MAP7D2: variants seen among roughly 807,000 people sequenced by gnomAD.
MAP7D2 encodes the protein MAP7 domain containing 2.
Under a neutral mutation model 63.5 loss-of-function variants are expected in MAP7D2, and 33 were observed. The ratio of observed to expected loss-of-function variants is 0.52; its 90% confidence interval spans 0.39 to 0.70. The LOEUF (loss-of-function observed/expected upper bound fraction) is 0.70, where lower values mean the gene tolerates loss of function less well. MAP7D2 is among the 30% of genes least tolerant of loss of function. The pLI is 0.00. For synonymous variants in MAP7D2, 224 were observed against 223.7 expected (o/e 1.00, Z -0.01); for missense variants, 626 against 604.0 (o/e 1.04, Z -0.38).
rs367781310 is a variant in MAP7D2 at position 20,046,679 on chromosome X, T to C, written c.719-2155A>G. Among the ~76,000 whole-genome samples the C allele has an allele frequency of 8.1e-4, 91 of 112,803 alleles. 1 individual carries two copies. The highest frequency in any genetic ancestry group is 2.9e-3 in the African/African-American group (89 of 31,094). On this transcript the variant is annotated intron_variant, in intron 6 of 16. Transcript: ENST00000379643. ...AAAGGGCTCAGAGGTGATACAAACC[T>C]ACTTTAAAATGTTTCGAAAACTTAG... is the stretch of plus-strand genomic sequence containing the variant.
intron 10 of MAP7D2, among the ~76,000 whole-genome samples, chrX:20,018,844 G>A (rs1473150432): frequency 9.0e-6 from 1 of 111,151 alleles, no homozygotes; most frequent in African/African-American, 3.3e-5. Flanking sequence ...TCCCCTGTGT[G>A]AAACCAGGTC....
At chrX:20,044,097 T>C (rs1163163897) in intron 7 of MAP7D2, among the ~76,000 whole-genome samples, 2 of 112,301 alleles carry the variant, frequency 1.8e-5, no homozygotes, top group Non-Finnish European at 1.9e-5. Context: ...TTTAGAACAT[T>C]CCTTCTGACT....
chrX:20,071,581 C>T (rs1382868374), intron 1 of MAP7D2, among the ~76,000 whole-genome samples: 1 of 111,867 alleles, frequency 8.9e-6, no homozygotes, highest in Non-Finnish European at 1.9e-5. Flanking sequence ...TGGTCCAGGG[C>T]CCACACCTTG....
At chrX:20,109,771 C>T (rs983118916) in intron 1 of MAP7D2, among the ~76,000 whole-genome samples, 5 of 111,609 alleles carry the variant, frequency 4.5e-5, no homozygotes, top group East Asian at 2.8e-4. Flanking sequence ...TAAGGCTGGG[C>T]GTGGTGGCTC....
chrX:20,062,505 A>G (rs1232217629), intron 3 of MAP7D2, among the ~76,000 whole-genome samples: 1 of 111,346 alleles, frequency 9.0e-6, no homozygotes, highest in Admixed American at 9.5e-5. Context: ...GGAAGGGGTA[A>G]ATATATATAG....
At chrX:20,061,194 G>A (rs1489386681) in intron 3 of MAP7D2, among the ~76,000 whole-genome samples, 1 of 107,465 alleles carries the variant, frequency 9.3e-6, no homozygotes, top group African/African-American at 3.4e-5. Flanking sequence ...GCCAGGCACT[G>A]AGCAGGCTGC....
chrX:20,041,987 T>C (rs755876655), intron 8 of MAP7D2, among the ~76,000 whole-genome samples: 13 of 111,251 alleles, frequency 1.2e-4, no homozygotes, highest in Non-Finnish European at 2.4e-4. Flanking sequence ...GCTGTGATTA[T>C]GCCTGTGAAC....
Position 20,008,399 on chromosome X carries a change from C to T in MAP7D2, c.*27-1G>A, listed in dbSNP as rs1454911589. ...GCAGCTTTACGGGTTCTCCAAACAC[C>T]TGTGTCAATTCAGAAACAAAACCAG... On this transcript the variant is annotated splice_acceptor_variant, in intron 16 of 16. Transcript: ENST00000379643. LOFTEE classifies it low-confidence loss of function (3UTR_SPLICE). The T allele has an allele frequency of 8.9e-6, 1 of 112,003 alleles. No homozygotes were observed. The highest frequency in any genetic ancestry group is 3.2e-5 in the African/African-American group (1 of 30,845). The allele number at this position is 112,003 out of a possible 1,213,427, so 9.2% of individuals were successfully genotyped here. A position where few individuals can be genotyped will look rare whatever the true frequency, so the allele number is the denominator to read the frequency against.
In MAP7D2 at chrX:20,016,254, T is replaced by C. The variant is rs1318988564; in HGVS notation, c.1484A>G (p.Gln495Arg). The change falls in exon 11 of 17, where the codon CAG becomes CGG. Residue 495 changes from glutamine (Q) to arginine (R), a missense_variant. Physicochemically the swap from Gln to Arg is conservative, Grantham distance 43 (BLOSUM62 1). Transcript: ENST00000379643. ...TTCCTGCCGCTTCCTTTCTTCTTCC[T>C]GCTTTCGGGCTTCCTCTTCTAGGCG... ...RLRLEEEARK[Q>R]EEERKRQEEE... 5 of 1,209,151 alleles carry C rather than the reference T, an allele frequency of 4.1e-6. No individual in the cohort carries two copies. The highest frequency in any genetic ancestry group is 5.6e-6 in the Non-Finnish European group (5 of 894,821).
At chrX:20,089,079 C>T (rs2065998094) in intron 1 of MAP7D2, among the ~76,000 whole-genome samples, 1 of 111,739 alleles carries the variant, frequency 8.9e-6, no homozygotes, top group African/African-American at 3.3e-5. Flanking sequence ...CCGTGCTCGG[C>T]CTCTCCTGTA....
At chrX:20,084,534 CTTCCTTCCTGT>C (rs202064201) in intron 1 of MAP7D2, among the ~76,000 whole-genome samples, 1 of 82,755 alleles carries the variant, frequency 1.2e-5, no homozygotes, top group Admixed American at 1.5e-4. Context: ...CCCTCCCTCC[CTTCCTTCCTGT>C]TCCCTCCCTC....
intron 1 of MAP7D2, among the ~76,000 whole-genome samples, chrX:20,111,933 G>A (rs2066754282): frequency 9.0e-6 from 1 of 111,208 alleles, no homozygotes; most frequent in African/African-American, 3.3e-5. Flanking sequence ...ATCACGCCCA[G>A]CTAATTTTTC....
chrX:20,007,191 C>T lies in MAP7D2; in HGVS notation c.*1234G>A, dbSNP rs1419773601. The T allele has an allele frequency of 1.8e-5, 2 of 112,170 alleles. No individual in the cohort carries two copies. The highest frequency in any genetic ancestry group is 9.5e-5 in the Admixed American group (1 of 10,549). 9.2% of individuals were successfully genotyped at this position (112,170 alleles called of 1,213,427 possible). A position where few individuals can be genotyped will look rare whatever the true frequency, so the allele number is the denominator to read the frequency against. ...CTAATACATTCTTAAATGTAGCTGG[C>T]TGTAAAAGCACATGAACAAGATTAC... On this transcript the variant is annotated 3_prime_UTR_variant, in exon 17 of 17. Transcript: ENST00000379643.
intron 1 of MAP7D2, among the ~76,000 whole-genome samples, chrX:20,114,517 A>G (rs1174528332): frequency 2.7e-5 from 3 of 112,845 alleles, no homozygotes; most frequent in African/African-American, 9.7e-5. Context: ...ACTAAAATGG[A>G]CAGTAGATCT....
rs143010630 is a variant in MAP7D2, at chrX:20,011,024, T to G, written c.2101A>C (p.Ile701Leu). Reference protein sequence around the residue: ...SPVSKEELISIPEFSPVSEMI... With the variant: ...SPVSKEELISLPEFSPVSEMI... ...TCACTCACTGGTGAAAATTCCGGGA[T>G]AGAGATAAGCTCTTCTTTTGAAACA... The change falls in exon 16 of 17, where the codon ATC becomes CTC. Residue 701 changes from isoleucine (I) to leucine (L), a missense_variant. Physicochemically the swap from Ile to Leu is conservative, Grantham distance 5 (BLOSUM62 2). Transcript: ENST00000379643. 28 of 1,208,586 alleles carry G rather than the reference T, an allele frequency of 2.3e-5. No homozygotes were observed. In the African/African-American group the frequency reaches 4.2e-4, roughly 18 times the overall value.
At chrX:20,014,365 C>T (rs1363271643) in intron 12 of MAP7D2, among the ~76,000 whole-genome samples, 3 of 111,505 alleles carry the variant, frequency 2.7e-5, no homozygotes, top group Non-Finnish European at 3.8e-5. Context: ...TCCAGGAGTT[C>T]GAGACCAGCC....
chrX:20,091,935 T>A (rs371723751), intron 1 of MAP7D2, among the ~76,000 whole-genome samples: 2 of 112,194 alleles, frequency 1.8e-5, no homozygotes, highest in African/African-American at 3.2e-5. Context: ...ATAAATTTTT[T>A]AAATTATCCA....
intron 3 of MAP7D2, among the ~76,000 whole-genome samples, chrX:20,058,130 C>T (rs777371328): frequency 8.9e-6 from 1 of 112,478 alleles, no homozygotes; most frequent in African/African-American, 3.2e-5. Flanking sequence ...TGAGACTCTA[C>T]AATCGTGAGT....
At chrX:20,046,264 T>C (rs890971098) in intron 6 of MAP7D2, among the ~76,000 whole-genome samples, 1 of 112,263 alleles carries the variant, frequency 8.9e-6, no homozygotes, top group African/African-American at 3.2e-5. Flanking sequence ...CTGGGTCACA[T>C]ACAAGTGCCC....
Sources: allele counts gnomAD v4.1 joint callset (sites outside exome capture counted in the v4.1 genomes callset), GRCh38; gene constraint gnomAD v4.1.1; transcripts MANE v1.5; gene names NCBI Gene and HGNC (gene_info 2026-07-23, HGNC 2026-07-21).